The following FNDC3A variants were observed in gnomAD, a reference collection of about 807,000 sequenced individuals.
FNDC3A encodes fibronectin type-III domain-containing protein 3A.
Under a neutral mutation model 148.9 loss-of-function variants are expected in FNDC3A, and 32 were observed. The ratio of observed to expected loss-of-function variants is 0.21; its 90% confidence interval spans 0.16 to 0.29. The LOEUF (loss-of-function observed/expected upper bound fraction) is 0.29. FNDC3A is among the 10% of genes least tolerant of loss of function. The pLI is 1.00. For missense variants in FNDC3A, 1,191 were observed against 1,452.8 expected, an observed-to-expected ratio of 0.82 and a Z score of 2.93; for synonymous variants, 472 against 473.6, an observed-to-expected ratio of 1.00 and a Z score of 0.04.
chr13:49,075,164 G>A (rs887935806), intron 2 of FNDC3A, 125 bp from the exon 3 acceptor site: 4 of 521,202 alleles, frequency 7.7e-6, no homozygotes, highest in Non-Finnish European at 1.4e-5. Flanking sequence ...CATCTTAAAT[G>A]TGTAATCCCC....
chr13:49,018,205 T>G (rs1362825889), intron 2 of FNDC3A, among the ~76,000 whole-genome samples: 2 of 152,136 alleles, frequency 1.3e-5, no homozygotes, highest in Admixed American at 6.5e-5. Flanking sequence ...GTTTTCCAAC[T>G]TGGTTCTATT....
At chr13:49,134,197 C>T (rs1882195152) in intron 5 of FNDC3A, among the ~76,000 whole-genome samples, 1 of 152,140 alleles carries the variant, frequency 6.6e-6, no homozygotes, top group Non-Finnish European at 1.5e-5. Context: ...TCCTTCACAT[C>T]CCATGATCTA....
At chr13:49,149,277 C>T (rs935836705) in intron 8 of FNDC3A, among the ~76,000 whole-genome samples, 2 of 151,084 alleles carry the variant, frequency 1.3e-5, no homozygotes, top group African/African-American at 4.9e-5. Flanking sequence ...TTGTCTTGTT[C>T]GAGTTCTTAG....
intron 3 of FNDC3A, among the ~76,000 whole-genome samples, chr13:49,093,180 A>G (rs1449609212): frequency 1.3e-5 from 2 of 152,018 alleles, no homozygotes; most frequent in African/African-American, 4.8e-5. Flanking sequence ...GTGGTAGTAT[A>G]CTCTTTGTAG....
chr13:49,186,826 C>T (rs1362630284), intron 15 of FNDC3A, among the ~76,000 whole-genome samples: 2 of 152,112 alleles, frequency 1.3e-5, no homozygotes, highest in Admixed American at 1.3e-4. Context: ...CGAGATTGTA[C>T]CATTGCATTC....
intron 1 of FNDC3A, among the ~76,000 whole-genome samples, chr13:48,979,871 T>G (rs1951667185): frequency 6.6e-6 from 1 of 152,182 alleles, no homozygotes; most frequent in African/African-American, 2.4e-5. Flanking sequence ...TTTACATTGT[T>G]GTCTCAAGAG....
chr13:49,202,695 T>C (rs978759208), intron 24 of FNDC3A, among the ~76,000 whole-genome samples: 3 of 152,196 alleles, frequency 2.0e-5, no homozygotes, highest in African/African-American at 7.2e-5. Context: ...TAGTGTCTCT[T>C]AGCTTTAAGA....
chr13:49,188,619 G>C lies in FNDC3A; in HGVS notation c.1930G>C (p.Gly644Arg). The change falls in exon 17 of 26, where the codon GGA becomes CGA. Residue 644 changes from glycine (G) to arginine (R), a missense_variant. By Grantham distance (125) the Gly-to-Arg change is moderately radical. Around this residue, in one of 3 missense-constraint regions of FNDC3A, gnomAD observed 751 missense variants for 944.0 expected, o/e 0.80. Coordinates refer to ENST00000492622, the MANE Select transcript of FNDC3A (RefSeq NM_001079673.2). ...TTTACGAGTTTACTGCATCAGTGAT[G>C]GAGGACAGAGTGCGGTAATACTTAT... is the stretch of plus-strand genomic sequence containing the variant. The part of the protein sequence containing the change: ...YRLRVYCISD[G>R]GQSAVSESLL... 1.9e-6 allele frequency: 3 copies of C among 1,608,056 alleles called. No individual in the cohort carries two copies. Among genetic ancestry groups the C allele is most frequent in the Non-Finnish European group, 2.6e-6 (3 of 1,174,532 alleles).
At chr13:49,038,745 C>T (rs1420845504) in intron 2 of FNDC3A, among the ~76,000 whole-genome samples, 1 of 152,134 alleles carries the variant, frequency 6.6e-6, no homozygotes, top group Non-Finnish European at 1.5e-5. Flanking sequence ...GAGATGTTTA[C>T]TTTGTTGTTC....
intron 11 of FNDC3A, among the ~76,000 whole-genome samples, chr13:49,174,175 T>G (rs1884907625): frequency 6.6e-6 from 1 of 152,178 alleles, no homozygotes; most frequent in African/African-American, 2.4e-5. Context: ...GAGTTTCCTT[T>G]ATTAAAGCCA....
chr13:49,106,773 C>CAAGAAAAAA (rs1880205720), intron 3 of FNDC3A, among the ~76,000 whole-genome samples: 1 of 79,890 alleles, frequency 1.3e-5, no homozygotes, highest in African/African-American at 5.2e-5. Context: ...TGAATGAAAG[C>CAAGAAAAAA]AAAAAAAAAA....
rs187905206 is a variant in FNDC3A, at chr13:49,138,718, T to A, written c.761-29T>A. 3.5e-4 allele frequency: 402 copies of A among 1,148,976 alleles called. No individual in the cohort carries two copies. The African/African-American group carries it at 5.6e-3, about 16-fold the overall frequency. The allele number at this position is 1,148,976 out of a possible 1,614,324, so 71.2% of individuals were successfully genotyped here. ...GGGATTGTATCTAAGTTCTTTTTTT[T>A]AAATATTCAAATGTTTTATTTTTTT... On this transcript the variant is annotated intron_variant, in intron 6 of 25. Coordinates refer to ENST00000492622, the MANE Select transcript of FNDC3A (RefSeq NM_001079673.2).
intron 3 of FNDC3A, among the ~76,000 whole-genome samples, chr13:49,082,760 G>A (rs1878561904): frequency 6.6e-6 from 1 of 152,010 alleles, no homozygotes. Context: ...AGACTGAAGA[G>A]GGAATTCACA....
intron 23 of FNDC3A, 139 bp downstream of exon 23, chr13:49,198,713 C>CT: frequency 1.5e-6 from 1 of 685,304 alleles, no homozygotes; most frequent in Non-Finnish European, 2.5e-6. Context: ...AGGCGAATTG[C>CT]TTGAGCCCAG....
intron 2 of FNDC3A, among the ~76,000 whole-genome samples, chr13:49,043,321 T>C (rs376969627): frequency 6.6e-6 from 1 of 152,220 alleles, no homozygotes; most frequent in Non-Finnish European, 1.5e-5. Flanking sequence ...TTTGTGTACA[T>C]TGAAGACAGT....
intron 3 of FNDC3A, among the ~76,000 whole-genome samples, chr13:49,112,073 A>T (rs1880614484): frequency 6.6e-6 from 1 of 152,210 alleles, no homozygotes; most frequent in African/African-American, 2.4e-5. Context: ...TTACTATTTT[A>T]AATGTAATTA....
chr13:49,190,039 A>G (rs1885801539), intron 17 of FNDC3A, among the ~76,000 whole-genome samples: 1 of 152,042 alleles, frequency 6.6e-6, no homozygotes, highest in Admixed American at 6.5e-5. Flanking sequence ...GGTGCCTGCC[A>G]CCATGCCCGG....
chr13:48,978,646 GTTTT>G (rs1204180122), intron 1 of FNDC3A, among the ~76,000 whole-genome samples: 2 of 150,902 alleles, frequency 1.3e-5, no homozygotes, highest in Admixed American at 6.6e-5. Context: ...AGTGTTTCTG[GTTTT>G]TTTTTGTTTG....
intron 1 of FNDC3A, among the ~76,000 whole-genome samples, chr13:48,989,754 CTT>C (rs35947839): frequency 2.8e-4 from 40 of 143,672 alleles, no homozygotes; most frequent in African/African-American, 3.0e-4. Flanking sequence ...TTAAAGATAA[CTT>C]TTTTTTTTTT....
Sources: gnomAD v4.1 joint callset for allele counts (sites outside exome capture counted in the v4.1 genomes callset) on GRCh38, gnomAD v4.1.1 for gene constraint, gnomAD v4.1.1 regional missense constraint, MANE v1.5 for transcripts, NCBI Gene and HGNC (gene_info 2026-07-23, HGNC 2026-07-21) for gene names.